The following TLE4 variants were observed in gnomAD, a reference collection of about 807,000 sequenced individuals.
TLE4 encodes the protein TLE family member 4, transcriptional corepressor.
In TLE4, 8 loss-of-function variants were observed where a neutral mutation model predicts 92.8. That is an observed-to-expected ratio of 0.09 (90% CI 0.05 to 0.16). The LOEUF is 0.16. TLE4 is among the 10% of genes least tolerant of loss of function. The probability of loss-of-function intolerance (pLI) is 1.00; values close to 1 mark genes in which losing one functional copy is unlikely to be tolerated. For synonymous variants in TLE4, 371 were observed against 374.1 expected, an observed-to-expected ratio of 0.99 and a Z score of 0.10; for missense variants, 675 against 997.6, an observed-to-expected ratio of 0.68 and a Z score of 4.36.
chr9:79,665,824 T>C (rs112844905), intron 8 of TLE4, among the ~76,000 whole-genome samples: 44 of 152,374 alleles, frequency 2.9e-4, no homozygotes, highest in African/African-American at 1.0e-3. Context: ...GTTTTTTTGC[T>C]GCTCCCATTT....
chr9:79,694,614 A>ATGT (rs1201927422), intron 8 of TLE4, among the ~76,000 whole-genome samples: 2 of 152,208 alleles, frequency 1.3e-5, no homozygotes, highest in Non-Finnish European at 1.5e-5. Flanking sequence ...ATAATGCTTT[A>ATGT]TGTTGCTTTA....
intron 6 of TLE4, among the ~76,000 whole-genome samples, chr9:79,631,616 A>ATATGTGTGTG (rs775644348): frequency 2.5e-5 from 3 of 118,162 alleles, no homozygotes; most frequent in Non-Finnish European, 3.5e-5. Context: ...TGAACCTTAA[A>ATATGTGTGTG]TGTGTGTGTG....
In TLE4 at chr9:79,721,122, T is replaced by C. The variant is rs568179113; in HGVS notation, c.1839-619T>C. Among the ~76,000 whole-genome samples, 6 of 152,344 alleles carry C rather than the reference T, an allele frequency of 3.9e-5. No homozygotes were observed. In the South Asian group the frequency reaches 1.2e-3, roughly 32 times the overall value. On this transcript the variant is annotated intron_variant, in intron 16 of 19. Coordinates refer to ENST00000376552, the MANE Select transcript of TLE4 (RefSeq NM_007005.6). ...TAGATCCCAAAACAAATCATCACTT[T>C]CATTGCTTATCAGGCAGCCTCTTAT...
intron 14 of TLE4, among the ~76,000 whole-genome samples, chr9:79,711,079 TCTTTA>T (rs1163493564): frequency 6.6e-6 from 1 of 152,214 alleles, no homozygotes; most frequent in African/African-American, 2.4e-5. Flanking sequence ...CTAGACCCTT[TCTTTA>T]CTTTCCATCT....
chr9:79,640,025 T>G (rs992895152), intron 6 of TLE4, among the ~76,000 whole-genome samples: 15 of 152,130 alleles, frequency 9.9e-5, no homozygotes, highest in African/African-American at 3.6e-4. Flanking sequence ...CAGAAGGAGT[T>G]GAGTGTTACT....
chr9:79,622,767 C>A (rs968845330), intron 5 of TLE4, among the ~76,000 whole-genome samples: 6 of 152,152 alleles, frequency 3.9e-5, no homozygotes, highest in African/African-American at 1.4e-4. Context: ...ATGAAAAAAA[C>A]AAAGCCTTCC....
intron 6 of TLE4, among the ~76,000 whole-genome samples, chr9:79,635,475 C>A (rs931464230): frequency 1.3e-5 from 2 of 151,440 alleles, no homozygotes; most frequent in Non-Finnish European, 2.9e-5. Flanking sequence ...CCGAAGACCG[C>A]AAACATGTTA....
intron 8 of TLE4, among the ~76,000 whole-genome samples, chr9:79,704,443 A>C (rs896219932): frequency 7.2e-5 from 11 of 152,168 alleles, no homozygotes; most frequent in African/African-American, 2.7e-4. Flanking sequence ...GCACTTCAAC[A>C]GTACAATATA....
chr9:79,676,028 C>T (rs960758492), intron 8 of TLE4, among the ~76,000 whole-genome samples: 1 of 152,042 alleles, frequency 6.6e-6, no homozygotes, highest in Non-Finnish European at 1.5e-5. Flanking sequence ...CCTGTACTGG[C>T]CACTTTGAAC....
intron 14 of TLE4, among the ~76,000 whole-genome samples, chr9:79,710,874 A>G (rs1052145544): frequency 6.6e-6 from 1 of 152,128 alleles, no homozygotes; most frequent in Non-Finnish European, 1.5e-5. Flanking sequence ...AAGCAGTCTC[A>G]CTGCCTAGAA....
At chr9:79,621,752 G>T (rs1400861361) in intron 5 of TLE4, among the ~76,000 whole-genome samples, 1 of 152,090 alleles carries the variant, frequency 6.6e-6, no homozygotes, top group Non-Finnish European at 1.5e-5. Flanking sequence ...TGGTTGGTTG[G>T]TTGATTGTTA....
rs1217088434 is a variant in TLE4, at chr9:79,709,552, A to AT, written c.1264-67dup. On this transcript the variant is annotated intron_variant, in intron 13 of 19. Coordinates refer to ENST00000376552, the MANE Select transcript of TLE4 (RefSeq NM_007005.6). The stretch of plus-strand genomic sequence containing the variant: ...TCTATTCTCCCAGGTTTTAGAATAG[A>AT]TTTTGAGAAGGATAAAACAAGTCAA... The AT allele has an allele frequency of 8.0e-6, 11 of 1,371,260 alleles. No homozygotes were observed. In the African/African-American group the frequency reaches 1.4e-4, roughly 18 times the overall value. 84.9% of individuals were successfully genotyped at this position (1,371,260 alleles called of 1,614,324 possible).
At chr9:79,578,136 T>C (rs1450596355) in intron 4 of TLE4, among the ~76,000 whole-genome samples, 1 of 152,202 alleles carries the variant, frequency 6.6e-6, no homozygotes, top group African/African-American at 2.4e-5. Flanking sequence ...TTATTTGTTT[T>C]CCTAGGCAGA....
chr9:79,660,263 C>T (rs866122172), intron 8 of TLE4, among the ~76,000 whole-genome samples: 1 of 152,156 alleles, frequency 6.6e-6, no homozygotes, highest in Non-Finnish European at 1.5e-5. Context: ...GGCATTCTTC[C>T]AAGTATTTGG....
chr9:79,594,411 A>G (rs2132423985), intron 4 of TLE4, among the ~76,000 whole-genome samples: 1 of 152,276 alleles, frequency 6.6e-6, no homozygotes, highest in South Asian at 2.1e-4. Context: ...TCTCACATTT[A>G]GTATGTTAAG....
chr9:79,664,239 G>A (rs2061019434), intron 8 of TLE4, among the ~76,000 whole-genome samples: 1 of 152,152 alleles, frequency 6.6e-6, no homozygotes, highest in Non-Finnish European at 1.5e-5. Context: ...CACTCTCAGC[G>A]GGATGTTATT....
chr9:79,585,666 T>TC (rs1431768467), intron 4 of TLE4, among the ~76,000 whole-genome samples: 2 of 151,972 alleles, frequency 1.3e-5, no homozygotes, highest in Non-Finnish European at 2.9e-5. Flanking sequence ...AATTGAATTT[T>TC]TTTTTTTCAG....
At chr9:79,663,624 G>A (rs762604845) in intron 8 of TLE4, 2 of 152,080 alleles carry the variant, frequency 1.3e-5, no homozygotes, top group Non-Finnish European at 2.9e-5. Context: ...ATTCGGGTTT[G>A]GGTGGTTGAT....
At chr9:79,605,827 C>A (rs1385590732) in intron 4 of TLE4, among the ~76,000 whole-genome samples, 1 of 152,054 alleles carries the variant, frequency 6.6e-6, no homozygotes, top group Non-Finnish European at 1.5e-5. Flanking sequence ...ACTTAACATG[C>A]AGTAAAATAG....
Sources: gnomAD v4.1 joint callset for allele counts (sites outside exome capture counted in the v4.1 genomes callset) on GRCh38, gnomAD v4.1.1 for gene constraint, MANE v1.5 for transcripts, NCBI Gene and HGNC (gene_info 2026-07-23, HGNC 2026-07-21) for gene names.